DNAH2: variants seen among roughly 807,000 people sequenced by gnomAD.
DNAH2 encodes axonemal beta dynein heavy chain 2.
A neutral mutation model predicts 523.5 loss-of-function variants in DNAH2; 323 were observed. The ratio of observed to expected loss-of-function variants is 0.62; its 90% CI spans 0.56 to 0.68. DNAH2 has a LOEUF of 0.68. DNAH2 is among the 30% of genes least tolerant of loss of function. DNAH2 has a pLI of 0.00. For synonymous variants in DNAH2, 2,093 were observed against 2,177.4 expected (o/e 0.96, Z 1.08); for missense variants, 4,907 against 5,701.5 (o/e 0.86, Z 4.49).
At chr17:7,811,431 A>G (rs905827816) in intron 63 of DNAH2, among the ~76,000 whole-genome samples, 11 of 152,222 alleles carry the variant, frequency 7.2e-5, no homozygotes, top group African/African-American at 2.7e-4. Flanking sequence ...AAAGTCCCCA[A>G]GTCATCCTCC....
chr17:7,751,801 G>C (rs1309416869), intron 12 of DNAH2, among the ~76,000 whole-genome samples: 1 of 151,968 alleles, frequency 6.6e-6, no homozygotes, highest in Non-Finnish European at 1.5e-5. Flanking sequence ...GAATCAATTT[G>C]TTTAGTTCCA....
chr17:7,777,675 G>A, intron 33 of DNAH2, 41 bp downstream of exon 33: 1 of 1,608,086 alleles, frequency 6.2e-7, no homozygotes. Flanking sequence ...ACCGTAAAAT[G>A]GATCCTAATG....
Position 7,797,548 on chromosome 17 carries a change from ATGACCTTGGGCT to A in DNAH2, c.8080+23_8080+34del. 2.5e-6 allele frequency: 4 copies of A among 1,614,142 alleles called. No individual in the cohort carries two copies. The highest frequency in any genetic ancestry group is 1.7e-6 in the Non-Finnish European group (2 of 1,180,016). On this transcript the variant is annotated intron_variant, in intron 52 of 85. Coordinates refer to ENST00000572933, the MANE Select transcript of DNAH2 (RefSeq NM_020877.5). The stretch of plus-strand genomic sequence containing the variant: ...TATCTTTGGTGAGCCAGGAGCTGTG[ATGACCTTGGGCT>A]TGACACTCTTAGAACATCGGGGCTA...
At position 7,781,170 on chromosome 17, in the gene DNAH2, ATT is replaced by A; in HGVS notation, c.6129+5_6129+6del. On this transcript the variant is annotated splice_donor_5th_base_variant and intron_variant, in intron 39 of 85. Transcript: ENST00000572933. Reference sequence around the variant, plus strand: ...TGCCTGTCATTGACTATGGCAAGGTATTTGTTCCTTAATACTCTCCCTGACCG... The same window carrying A: ...TGCCTGTCATTGACTATGGCAAGGTATGTTCCTTAATACTCTCCCTGACCG... The A allele has an allele frequency of 6.2e-7, 1 of 1,614,170 alleles. No individual in the cohort carries two copies. Among genetic ancestry groups the A allele is most frequent in the Non-Finnish European group, 8.5e-7 (1 of 1,180,022 alleles).
intron 4 of DNAH2, among the ~76,000 whole-genome samples, chr17:7,732,533 C>T (rs1258089718): frequency 6.6e-6 from 1 of 151,688 alleles, no homozygotes; most frequent in Non-Finnish European, 1.5e-5. Context: ...TGGAAATGGC[C>T]TTTCTAAATA....
In DNAH2 at chr17:7,807,485, T is replaced by C. The variant is rs2077399054; in HGVS notation, c.9628T>C (p.Tyr3210His). The C allele has an allele frequency of 6.2e-7, 1 of 1,613,466 alleles. No individual in the cohort carries two copies. The highest frequency in any genetic ancestry group is 1.3e-5 in the African/African-American group (1 of 74,908). Reference sequence around the variant, plus strand: ...CTCCCCACAGCTGTATGGGCGGCTATATCGGGTGGTGGAGCCCAAGCGAAT... The same window carrying C: ...CTCCCCACAGCTGTATGGGCGGCTACATCGGGTGGTGGAGCCCAAGCGAAT... ...VRAMELYGRL[Y>H]RVVEPKRIRM... Residue 3210 changes from tyrosine (Y) to histidine (H), a missense_variant, in exon 63 of 86, where the codon TAT (tyrosine) becomes CAT (histidine). Physicochemically the swap from Tyr to His is moderately conservative, Grantham distance 83. Coordinates refer to ENST00000572933, the MANE Select transcript of DNAH2 (RefSeq NM_020877.5). The surrounding 1 kb of genome is among the most constrained non-coding windows in gnomAD (Gnocchi z 5.6).
intron 48 of DNAH2, among the ~76,000 whole-genome samples, 184 bp from the exon 49 acceptor site, chr17:7,794,070 C>T (rs1179426877): frequency 6.6e-6 from 1 of 152,106 alleles, no homozygotes; most frequent in African/African-American, 2.4e-5. Context: ...ATGTCCCTTC[C>T]TTCTCTTCCC....
rs759832576 is a variant in DNAH2 at position 7,832,951 on chromosome 17, G to A, written c.12978+23G>A. The A allele has an allele frequency of 1.9e-6, 3 of 1,614,140 alleles. No homozygotes were observed. Among genetic ancestry groups the A allele is most frequent in the South Asian group, 1.1e-5 (1 of 91,080 alleles). Reference sequence around the variant, plus strand: ...AAGGTGGGAGCCAGTTGTGCTTGGGGCTCTGAGCAAAAGAGGGTACTGGAA... The same window carrying A: ...AAGGTGGGAGCCAGTTGTGCTTGGGACTCTGAGCAAAAGAGGGTACTGGAA... On this transcript the variant is annotated intron_variant, in intron 84 of 85. Coordinates refer to ENST00000572933, the MANE Select transcript of DNAH2 (RefSeq NM_020877.5). The surrounding 1 kb of genome is among the most constrained non-coding windows in gnomAD (Gnocchi z 4.3).
chr17:7,750,082 G>T (rs184300345), intron 12 of DNAH2, among the ~76,000 whole-genome samples: 1 of 152,140 alleles, frequency 6.6e-6, no homozygotes, highest in Non-Finnish European at 1.5e-5. Flanking sequence ...CAGGATCTCT[G>T]CTCTGCTTCC....
Position 7,805,226 on chromosome 17 carries a change from C to T in DNAH2, c.9301-26C>T, listed in dbSNP as rs2077337303. The T allele has an allele frequency of 6.2e-6, 10 of 1,613,316 alleles. No individual in the cohort carries two copies. The East Asian group carries it at 2.2e-4, about 36-fold the overall frequency. On this transcript the variant is annotated intron_variant, in intron 60 of 85. Coordinates refer to ENST00000572933, the MANE Select transcript of DNAH2 (RefSeq NM_020877.5). ...CTGTCTCCAGAAGGTCCTGTCTTAC[C>T]CTCACTTTATCCCCTTTTCCCCCAG... is the stretch of plus-strand genomic sequence containing the variant.
chr17:7,743,476 G>T, intron 12 of DNAH2: 1 of 649,220 alleles, frequency 1.5e-6, no homozygotes, highest in South Asian at 1.7e-5. Context: ...GAACAGCCTG[G>T]GCAACATGGC....
intron 12 of DNAH2, chr17:7,755,009 G>C (rs2075797390): frequency 2.6e-6 from 1 of 387,982 alleles, no homozygotes; most frequent in Admixed American, 4.0e-5. Context: ...AGAAGGGTTA[G>C]CCTTGGGTGG....
Position 7,764,158 on chromosome 17 carries a change from G to A in DNAH2, c.3221G>A (p.Ser1074Asn). 6.2e-7 allele frequency: 1 copy of A among 1,614,224 alleles called. No homozygotes were observed. Among genetic ancestry groups the A allele is most frequent in the Non-Finnish European group, 8.5e-7 (1 of 1,180,046 alleles). The change falls in exon 20 of 86, where the codon AGC (serine) becomes AAC (asparagine). Residue 1074 changes from serine (S) to asparagine (N), a missense_variant. Coordinates refer to ENST00000572933, the MANE Select transcript of DNAH2 (RefSeq NM_020877.5). ...PPQTLEELGV[S>N]LQLVDALKHD... ...CAGACACTGGAGGAACTGGGGGTCA[G>A]CTTGCAGCTCGTGGATGCCCTGAAG...
Position 7,754,288 on chromosome 17 carries a change from G to T in DNAH2, c.1905-2803G>T. 1 of 351,138 alleles carries T rather than the reference G, an allele frequency of 2.8e-6. No homozygotes were observed. The highest frequency in any genetic ancestry group is 5.1e-6 in the Non-Finnish European group (1 of 196,002). 21.8% of individuals were successfully genotyped at this position (351,138 alleles called of 1,614,324 possible). On this transcript the variant is annotated intron_variant, in intron 12 of 85. Transcript: ENST00000572933. The surrounding 1 kb of genome is among the most constrained non-coding windows in gnomAD (Gnocchi z 4.6). ...AAGGAACTAGTAGATTGAAGGTATAGGAGAGCTGGAAGAGGGCATCTGAAA... is the reference window on the plus strand; with the variant it reads ...AAGGAACTAGTAGATTGAAGGTATATGAGAGCTGGAAGAGGGCATCTGAAA...
Position 7,819,187 on chromosome 17 carries a change from C to T in DNAH2, c.10816-22C>T, listed in dbSNP as rs116669964. The T allele has an allele frequency of 7.7e-4, 1,249 of 1,612,228 alleles. 8 individuals carry two copies. The African/African-American group carries it at 0.015, about 20-fold the overall frequency. ...CTGCCACGTCCCTCAGTGGCCCTGA[C>T]TCCACCCATCCCCACCGGCAGGCTT... On this transcript the variant is annotated intron_variant, in intron 71 of 85. Coordinates refer to ENST00000572933, the MANE Select transcript of DNAH2 (RefSeq NM_020877.5).
intron 2 of DNAH2, among the ~76,000 whole-genome samples, chr17:7,721,613 G>T (rs75414694): frequency 0.018 from 2,777 of 152,236 alleles, 85 homozygotes; most frequent in African/African-American, 0.063. Context: ...CGGCCTCTGT[G>T]CCTCATTCCC....
chr17:7,770,308 G>T lies in DNAH2; in HGVS notation c.3998G>T (p.Ser1333Ile), dbSNP rs774276618. The T allele has an allele frequency of 7.4e-6, 12 of 1,613,856 alleles. No homozygotes were observed. Among genetic ancestry groups the T allele is most frequent in the Non-Finnish European group, 8.5e-6 (10 of 1,179,966 alleles). Residue 1333 changes from serine to isoleucine, a missense_variant, in exon 25 of 86, where the codon AGC (serine) becomes ATC (isoleucine). Physicochemically the swap from Ser to Ile is moderately radical, Grantham distance 142. This residue lies in a region of DNAH2 where 2,806 missense variants were observed against 3,190.8 expected (regional missense o/e 0.88). Transcript: ENST00000572933. ...IQREFDQESE[S>I]FTLEQIVELG... ...CGGGAGTTTGATCAGGAATCTGAAA[G>T]CTTCACCTTGGAGCAGATTGTGGAG...
At chr17:7,794,449 T>G (rs970641090) in intron 49 of DNAH2, 91 bp downstream of exon 49, 62 of 1,167,190 alleles carry the variant, frequency 5.3e-5, no homozygotes, top group Non-Finnish European at 7.3e-5. Context: ...CCCAGGGGGC[T>G]GCGGCACCCC....
At chr17:7,782,705 G>T (rs191639283) in intron 39 of DNAH2, among the ~76,000 whole-genome samples, 1 of 151,998 alleles carries the variant, frequency 6.6e-6, no homozygotes, top group African/African-American at 2.4e-5. Context: ...GGTGGTTCAC[G>T]CCTGTCATCT....
Sources: gnomAD v4.1 joint callset for allele counts (sites outside exome capture counted in the v4.1 genomes callset) on GRCh38, gnomAD v4.1.1 for gene constraint, gnomAD v4.1.1 regional missense constraint, Gnocchi (gnomAD v3.1) non-coding constraint, MANE v1.5 for transcripts, NCBI Gene and HGNC (gene_info 2026-07-23, HGNC 2026-07-21) for gene names.